The following IQSEC1 variants were observed in gnomAD, a reference collection of about 807,000 sequenced individuals.
The protein encoded by IQSEC1 is IQ motif and Sec7 domain ArfGEF 1.
In IQSEC1, 31 loss-of-function variants were observed where a neutral mutation model predicts 91.0. The ratio of observed to expected loss-of-function variants is 0.34; its 90% confidence interval spans 0.26 to 0.46. IQSEC1 has a LOEUF of 0.46. Ranked by LOEUF, IQSEC1 falls within the 20% of genes least tolerant of loss-of-function variation. The pLI is 1.00. For synonymous variants in IQSEC1, 699 were observed against 662.6 expected (o/e 1.05, Z -0.84); for missense variants, 1,388 against 1,575.6 (o/e 0.88, Z 2.02).
chr3:12,908,217 G>GAA lies in IQSEC1; in HGVS notation c.2755+130_2755+131dup, dbSNP rs1695192542. On this transcript the variant is annotated intron_variant, in intron 12 of 13. Coordinates refer to ENST00000613206, the MANE Select transcript of IQSEC1 (RefSeq NM_001134382.3). This position sits in a 1 kb window ranked among gnomAD's most constrained non-coding sequence, Gnocchi z 4.9. ...ATGTCACACGCTGCTCTGCTTTGCG[G>GAA]AAGGTCAGGGGAAATGCCGCACTGG... The GAA allele has an allele frequency of 1.1e-6, 1 of 901,154 alleles. No homozygotes were observed. Among genetic ancestry groups the GAA allele is most frequent in the Non-Finnish European group, 1.7e-6 (1 of 603,436 alleles). 55.8% of individuals were successfully genotyped at this position (901,154 alleles called of 1,614,324 possible).
At chr3:13,071,436 A>C (rs980526819) in intron 1 of IQSEC1, among the ~76,000 whole-genome samples, 1 of 152,108 alleles carries the variant, frequency 6.6e-6, no homozygotes, top group African/African-American at 2.4e-5. Context: ...CCGATGTAAC[A>C]GCCCTGAGAG....
intron 2 of IQSEC1, among the ~76,000 whole-genome samples, chr3:13,094,917 G>A (rs1314485123): frequency 6.6e-6 from 1 of 152,144 alleles, no homozygotes; most frequent in Non-Finnish European, 1.5e-5. Context: ...GACTGAACCA[G>A]CTGCAGGCCA....
intron 1 of IQSEC1, among the ~76,000 whole-genome samples, chr3:13,199,148 AAAGT>A (rs1454156661): frequency 6.6e-6 from 1 of 152,216 alleles, no homozygotes; most frequent in African/African-American, 2.4e-5. Flanking sequence ...TGGCAGTGAA[AAAGT>A]AAGACCAGCC....
Position 12,901,148 on chromosome 3 carries a change from G to A in IQSEC1, c.3180C>T (p.His1060=), listed in dbSNP as rs528548569. 1.7e-5 allele frequency: 26 copies of A among 1,542,748 alleles called. No homozygotes were observed. The highest frequency in any genetic ancestry group is 2.7e-5 in the African/African-American group (2 of 72,952). ...AGGCTGGGTGGCCCCCATGGGGGCC[G>A]TGGTGGTACTGGTGTGCGTGCTGGA... The part of the protein sequence containing the change: ...QHIQHAHQYH[H]GPHGGHPAYG... The change falls in exon 14 of 14, where the codon CAC becomes CAT. Residue 1060 remains histidine (H), a synonymous_variant. Transcript: ENST00000613206.
chr3:13,033,291 G>A (rs979529294), intron 1 of IQSEC1, among the ~76,000 whole-genome samples: 1 of 152,178 alleles, frequency 6.6e-6, no homozygotes, highest in Non-Finnish European at 1.5e-5. Flanking sequence ...GAGAGGCCCT[G>A]TATTGATTTG....
At position 12,970,348 on chromosome 3, in the gene IQSEC1, A is replaced by G. The variant is rs1018638273; in HGVS notation, c.24-28483T>C. On this transcript the variant is annotated intron_variant, in intron 1 of 13. Transcript: ENST00000613206. The surrounding 1 kb of genome is among the most constrained non-coding windows in gnomAD (Gnocchi z 4.4). ...ATGTATGGGGTCACAGGATGTAAAA[A>G]GTCATGGAGACGTTTAGTTCCACTG... Among the ~76,000 whole-genome samples the G allele has an allele frequency of 3.3e-5, 5 of 152,188 alleles. No individual in the cohort carries two copies. Among genetic ancestry groups the G allele is most frequent in the African/African-American group, 1.2e-4 (5 of 41,432 alleles).
At chr3:13,147,663 C>T (rs1202337055) in intron 2 of IQSEC1, among the ~76,000 whole-genome samples, 1 of 152,182 alleles carries the variant, frequency 6.6e-6, no homozygotes, top group Admixed American at 6.5e-5. Flanking sequence ...GACAGAGTCT[C>T]ACTCTATTGC....
chr3:12,935,902 T>C lies in IQSEC1; in HGVS notation c.1114A>G (p.Ser372Gly). The C allele has an allele frequency of 6.2e-7, 1 of 1,602,980 alleles. No homozygotes were observed. Among genetic ancestry groups the C allele is most frequent in the Non-Finnish European group, 8.5e-7 (1 of 1,179,628 alleles). ...HLPLLTIEPP[S>G]DSSVDLSDRS... ...TCACTAAGGTCCACAGAGCTGTCGC[T>C]GGGTGGCTCGATGGTGAGCAGCGGC... The change falls in exon 3 of 14, where the codon AGC becomes GGC. Residue 372 changes from serine (S) to glycine (G), a missense_variant. Ser to Gly is a moderately conservative substitution (Grantham distance 56). This residue lies in a region of IQSEC1 where 1,059 missense variants were observed against 1,317.8 expected (regional missense o/e 0.80). Coordinates refer to ENST00000613206, the MANE Select transcript of IQSEC1 (RefSeq NM_001134382.3). This position sits in a 1 kb window ranked among gnomAD's most constrained non-coding sequence, Gnocchi z 8.0.
At chr3:12,988,624 G>A (rs1343038436) in intron 1 of IQSEC1, among the ~76,000 whole-genome samples, 1 of 152,110 alleles carries the variant, frequency 6.6e-6, no homozygotes, top group Admixed American at 6.5e-5. Context: ...GACAGGAAGG[G>A]CAAGAGGGAC....
chr3:13,043,375 A>G (rs1040893163), intron 1 of IQSEC1, among the ~76,000 whole-genome samples: 2 of 151,964 alleles, frequency 1.3e-5, no homozygotes, highest in Admixed American at 6.6e-5. Flanking sequence ...TTTCCCACAC[A>G]CTAGCCACCT....
intron 3 of IQSEC1, among the ~76,000 whole-genome samples, chr3:12,930,056 G>A (rs1697532208): frequency 6.6e-6 from 1 of 152,262 alleles, no homozygotes; most frequent in African/African-American, 2.4e-5. Flanking sequence ...GCTGTGTGAG[G>A]CTCTGAGGAA....
At chr3:13,222,798 CGT>C (rs1694687407) in intron 1 of IQSEC1, among the ~76,000 whole-genome samples, 1 of 152,290 alleles carries the variant, frequency 6.6e-6, no homozygotes, top group African/African-American at 2.4e-5. Flanking sequence ...CAAAGGGCGA[CGT>C]GTGTGGGGCC....
intron 2 of IQSEC1, among the ~76,000 whole-genome samples, chr3:13,150,648 G>A (rs1706980487): frequency 6.6e-6 from 1 of 152,176 alleles, no homozygotes; most frequent in Admixed American, 6.5e-5. Context: ...TTTTTAGTGG[G>A]AGTCTCCACC....
intron 1 of IQSEC1, among the ~76,000 whole-genome samples, chr3:13,178,535 C>G (rs1302836444): frequency 6.6e-6 from 1 of 152,214 alleles, no homozygotes; most frequent in African/African-American, 2.4e-5. Flanking sequence ...TACAAGGGCC[C>G]TCTTCTGGGT....
chr3:13,158,456 T>C (rs357168), intron 2 of IQSEC1, among the ~76,000 whole-genome samples: 3,385 of 152,270 alleles, frequency 0.022, 126 homozygotes, highest in African/African-American at 0.075. Context: ...CTGGATTTGT[T>C]TGGACTAATT....
At chr3:13,131,199 C>T (rs1473963942) in intron 2 of IQSEC1, among the ~76,000 whole-genome samples, 1 of 151,864 alleles carries the variant, frequency 6.6e-6, no homozygotes, top group Non-Finnish European at 1.5e-5. Context: ...TATAAATTGA[C>T]CCCTTGATTA....
At chr3:13,235,167 C>T (rs949511185) in intron 1 of IQSEC1, among the ~76,000 whole-genome samples, 4 of 152,162 alleles carry the variant, frequency 2.6e-5, no homozygotes, top group African/African-American at 7.2e-5. Context: ...AGTCCCCATC[C>T]AAAGTGGGGT....
intron 2 of IQSEC1, among the ~76,000 whole-genome samples, chr3:13,146,364 T>C (rs1396975331): frequency 6.6e-6 from 1 of 152,204 alleles, no homozygotes; most frequent in South Asian, 2.1e-4. Flanking sequence ...CAAGTCTCTG[T>C]CTCTTTCCTT....
intron 2 of IQSEC1, among the ~76,000 whole-genome samples, chr3:13,132,491 G>A (rs1336629405): frequency 6.6e-6 from 1 of 152,196 alleles, no homozygotes; most frequent in Non-Finnish European, 1.5e-5. Context: ...GCTCTGTGCA[G>A]TGTATCCTCT....
Sources: allele counts gnomAD v4.1 joint callset (sites outside exome capture counted in the v4.1 genomes callset), GRCh38; gene constraint gnomAD v4.1.1; regional missense constraint gnomAD v4.1.1; non-coding constraint Gnocchi (gnomAD v3.1); transcripts MANE v1.5; gene names NCBI Gene and HGNC (gene_info 2026-07-23, HGNC 2026-07-21).